Variants in SAFB2 observed in about 807,000 individuals in gnomAD.
SAFB2 encodes the protein scaffold attachment factor B2.
SAFB2 carries 32 observed loss-of-function variants against 100.6 expected under a neutral mutation model. The ratio of observed to expected loss-of-function variants is 0.32; its 90% CI spans 0.24 to 0.43. SAFB2 has a LOEUF of 0.43. Among genes scored for constraint, SAFB2 ranks in the 20% least tolerant of loss-of-function variants. The probability of loss-of-function intolerance (pLI) is 1.00; values close to 1 mark genes in which losing one functional copy is unlikely to be tolerated. For synonymous variants in SAFB2, 500 were observed against 439.4 expected, an observed-to-expected ratio of 1.14 and a Z score of -1.72; for missense variants, 1,185 against 1,163.4, an observed-to-expected ratio of 1.02 and a Z score of -0.27.
At chr19:5,621,892 G>A (rs1172435619) in intron 1 of SAFB2, among the ~76,000 whole-genome samples, 1 of 152,230 alleles carries the variant, frequency 6.6e-6, no homozygotes, top group Admixed American at 6.5e-5. Flanking sequence ...TCCAGTTGCG[G>A]AAACAGACAA....
At chr19:5,613,857 A>C (rs899681312) in intron 4 of SAFB2, 1 of 471,310 alleles carries the variant, frequency 2.1e-6, no homozygotes, top group African/African-American at 2.1e-5. Context: ...GCAGAACTCA[A>C]AATGATAAAA....
chr19:5,588,272 C>T (rs113388368), intron 18 of SAFB2, among the ~76,000 whole-genome samples: 14 of 151,842 alleles, frequency 9.2e-5, no homozygotes, highest in African/African-American at 2.2e-4. Flanking sequence ...GTGGAGGGTG[C>T]GAGGAAAGGG....
At chr19:5,598,911 C>G (rs769248286) in intron 12 of SAFB2, 27 bp from the exon 13 acceptor site, 5 of 1,610,446 alleles carry the variant, frequency 3.1e-6, no homozygotes, top group African/African-American at 1.3e-5. Context: ...AACAAACTAT[C>G]AAAACCTGTG....
At chr19:5,602,915 C>A (rs1428433494) in intron 11 of SAFB2, among the ~76,000 whole-genome samples, 20 of 146,750 alleles carry the variant, frequency 1.4e-4, no homozygotes, top group Admixed American at 1.1e-3. Context: ...ACCGCCCCCC[C>A]CACCCCCCTC....
chr19:5,592,945 AAAG>A, intron 15 of SAFB2, 58 bp from the exon 16 acceptor site: 1 of 1,569,006 alleles, frequency 6.4e-7, no homozygotes, highest in Non-Finnish European at 8.7e-7. Context: ...GAGGAGGAAA[AAAG>A]GAGGAGGTGG....
At chr19:5,613,419 C>T in intron 5 of SAFB2, 46 bp downstream of exon 5, 2 of 1,513,106 alleles carry the variant, frequency 1.3e-6, no homozygotes, top group South Asian at 2.3e-5. Flanking sequence ...GAAAATCAAC[C>T]ACTCGATTAA....
chr19:5,620,500 C>T (rs2053118011), intron 2 of SAFB2, among the ~76,000 whole-genome samples: 1 of 152,172 alleles, frequency 6.6e-6, no homozygotes, highest in African/African-American at 2.4e-5. Context: ...CAGCCATAAA[C>T]AGGAATGAAG....
chr19:5,610,532 C>A, intron 8 of SAFB2, 107 bp downstream of exon 8: 1 of 822,638 alleles, frequency 1.2e-6, no homozygotes, highest in Non-Finnish European at 2.0e-6. Context: ...TTCCGGTAAC[C>A]CATAACAAAA....
At chr19:5,612,648 A>G (rs754431778) in intron 5 of SAFB2, 81 bp from the exon 6 acceptor site, 33 of 1,090,442 alleles carry the variant, frequency 3.0e-5, no homozygotes, top group Non-Finnish European at 4.4e-5. Context: ...ATGGCTTTCA[A>G]TCATCTGTGA....
rs1473867992 is a variant in SAFB2 at position 5,621,533 on chromosome 19, G to T, written c.187-137C>A. 3 of 686,648 alleles carry T rather than the reference G, an allele frequency of 4.4e-6. No homozygotes were observed. The African/African-American group carries it at 5.3e-5, about 12-fold the overall frequency. 42.5% of individuals were successfully genotyped at this position (686,648 alleles called of 1,614,324 possible). Reference sequence around the variant, plus strand: ...CAACTCCGGGTCAGCTATCTGGGCCGCAAGCCCAAAAGGCGGAGGAGGAAC... The same window carrying T: ...CAACTCCGGGTCAGCTATCTGGGCCTCAAGCCCAAAAGGCGGAGGAGGAAC... On this transcript the variant is annotated intron_variant, in intron 1 of 20. Transcript: ENST00000252542.
At chr19:5,608,339 A>G (rs577808228) in intron 9 of SAFB2, among the ~76,000 whole-genome samples, 4 of 152,258 alleles carry the variant, frequency 2.6e-5, no homozygotes, top group African/African-American at 9.6e-5. Context: ...TATTTCTTAA[A>G]TGGTCTTTTT....
intron 9 of SAFB2, 142 bp from the exon 10 acceptor site, chr19:5,605,078 T>A: frequency 1.0e-6 from 1 of 961,406 alleles, no homozygotes; most frequent in Middle Eastern, 3.3e-4. Context: ...CTGAATTGGT[T>A]CTAATTAATC....
At chr19:5,605,859 C>G (rs1351010724) in intron 9 of SAFB2, among the ~76,000 whole-genome samples, 2 of 152,192 alleles carry the variant, frequency 1.3e-5, no homozygotes, top group Admixed American at 1.3e-4. Context: ...GGTAAGACAG[C>G]ACTGAGATTC....
At chr19:5,607,451 T>C (rs558337980) in intron 9 of SAFB2, among the ~76,000 whole-genome samples, 4 of 152,144 alleles carry the variant, frequency 2.6e-5, no homozygotes, top group African/African-American at 9.7e-5. Flanking sequence ...GTTCTTGCAC[T>C]ACGCTGAAAC....
chr19:5,596,381 C>T lies in SAFB2; in HGVS notation c.1783-884G>A, dbSNP rs143400915. 8.4e-3 allele frequency among the ~76,000 whole-genome samples: 1,281 copies of T among 152,246 alleles called. 13 individuals are homozygous for T. Among genetic ancestry groups the T allele is most frequent in the Non-Finnish European group, 0.013 (871 of 68,022 alleles). Reference sequence around the variant, plus strand: ...TTTTGTAGGTTTTTTGGGTTTGAGACCCAGTCTTGTTCTGTTGTCCAGCCT... The same window carrying T: ...TTTTGTAGGTTTTTTGGGTTTGAGATCCAGTCTTGTTCTGTTGTCCAGCCT... On this transcript the variant is annotated intron_variant, in intron 13 of 20. Transcript: ENST00000252542.
chr19:5,621,326 G>T lies in SAFB2; in HGVS notation c.257C>A (p.Ala86Asp). Reference sequence around the variant, plus strand: ...TACAATACCTTTAACACATCTCTTGGCTGACTTCTTGCTGGTGGCTTCTAA... The same window carrying T: ...TACAATACCTTTAACACATCTCTTGTCTGACTTCTTGCTGGTGGCTTCTAA... The part of the protein sequence containing the change: ...IELEATSKKS[A>D]KRCVKGLKME... Residue 86 changes from alanine to aspartate, a missense_variant, in exon 2 of 21, where the codon GCC becomes GAC. Physicochemically the swap from Ala to Asp is moderately radical, Grantham distance 126 (BLOSUM62 -2). Coordinates refer to ENST00000252542, the MANE Select transcript of SAFB2 (RefSeq NM_014649.3). The T allele has an allele frequency of 6.8e-6, 11 of 1,611,804 alleles. No homozygotes were observed. The highest frequency in any genetic ancestry group is 7.6e-6 in the Non-Finnish European group (9 of 1,177,892).
Position 5,604,909 on chromosome 19 carries a change from C to T in SAFB2, c.1324G>A (p.Ala442Thr), listed in dbSNP as rs749573638. 7 of 1,613,438 alleles carry T rather than the reference C, an allele frequency of 4.3e-6. No homozygotes were observed. Among genetic ancestry groups the T allele is most frequent in the Non-Finnish European group, 5.9e-6 (7 of 1,180,036 alleles). Residue 442 changes from alanine (A) to threonine (T), a missense_variant, in exon 10 of 21, where the codon GCC becomes ACC. Coordinates refer to ENST00000252542, the MANE Select transcript of SAFB2 (RefSeq NM_014649.3). The stretch of plus-strand genomic sequence containing the variant: ...TAGCATCGAGCCCCCGGGCTGCGGG[C>T]GTTCGTTACCACTTTGGCCCCGACA... ...KVVGAKVVTN[A>T]RSPGARCYGF...
At chr19:5,613,814 A>C (rs1438306711) in intron 4 of SAFB2, 6 of 813,738 alleles carry the variant, frequency 7.4e-6, no homozygotes, top group African/African-American at 1.9e-5. Flanking sequence ...ACTGGTGATT[A>C]CCACATACCC....
rs2052694974 is a variant in SAFB2, at chr19:5,602,908, G to GGGGCTCAC, written c.1559+1674_1559+1675insGTGAGCCC. On this transcript the variant is annotated intron_variant, in intron 11 of 20. Coordinates refer to ENST00000252542, the MANE Select transcript of SAFB2 (RefSeq NM_014649.3). ...TGCTGATTAAATTAGAGGGCTCACCGCCCCCCCCACCCCCCTCCTCCAAGT... is the reference window on the plus strand; with the variant it reads ...TGCTGATTAAATTAGAGGGCTCACCGGGGCTCACCCCCCCCCACCCCCCTCCTCCAAGT... Among the ~76,000 whole-genome samples the GGGGCTCAC allele has an allele frequency of 1.1e-4, 14 of 127,014 alleles. No individual in the cohort carries two copies. In the South Asian group the frequency reaches 1.1e-3, roughly 10 times the overall value. The allele number at this position is 127,014 out of a possible 152,430, so 83.3% of individuals were successfully genotyped here. A position where few individuals can be genotyped will look rare whatever the true frequency, so the allele number is the denominator to read the frequency against.
Sources: gnomAD v4.1 joint callset for allele counts (sites outside exome capture counted in the v4.1 genomes callset) on GRCh38, gnomAD v4.1.1 for gene constraint, MANE v1.5 for transcripts, NCBI Gene and HGNC (gene_info 2026-07-23, HGNC 2026-07-21) for gene names.